EVI5: variants seen among roughly 807,000 people sequenced by gnomAD.
The protein encoded by EVI5 is ecotropic viral integration site 5.
In EVI5, 73 loss-of-function variants were observed where a neutral mutation model predicts 112.0. The ratio of observed to expected loss-of-function variants is 0.65; its 90% confidence interval spans 0.54 to 0.79. EVI5 has a LOEUF of 0.79. EVI5 is among the 30% of genes least tolerant of loss of function. EVI5 has a pLI of 0.00. For missense variants in EVI5, 900 were observed against 968.8 expected (o/e 0.93, Z 0.94); for synonymous variants, 305 against 319.9 (o/e 0.95, Z 0.50).
intron 19 of EVI5, among the ~76,000 whole-genome samples, chr1:92,515,737 G>A (rs1352209512): frequency 2.0e-5 from 3 of 152,086 alleles, no homozygotes; most frequent in Admixed American, 1.3e-4. Flanking sequence ...CAAAACTAAC[G>A]GTCCTGAGAA....
chr1:92,622,667 C>A (rs780015303), intron 16 of EVI5, among the ~76,000 whole-genome samples: 5 of 152,266 alleles, frequency 3.3e-5, no homozygotes, highest in Non-Finnish European at 7.4e-5. Flanking sequence ...ATTTATTTTT[C>A]ATTTATCAAT....
intron 18 of EVI5, among the ~76,000 whole-genome samples, chr1:92,596,936 G>A (rs557113935): frequency 2.3e-4 from 35 of 152,146 alleles, no homozygotes; most frequent in African/African-American, 7.7e-4. Flanking sequence ...TAAGGTCTAC[G>A]AGCTGTTTTT....
chr1:92,758,844 A>C (rs78694200), intron 1 of EVI5, among the ~76,000 whole-genome samples: 1 of 147,822 alleles, frequency 6.8e-6, no homozygotes, highest in South Asian at 2.1e-4. Context: ...CCTACACATC[A>C]AAAAAAAAAG....
chr1:92,696,413 A>G (rs1481943498), intron 6 of EVI5, among the ~76,000 whole-genome samples: 2 of 152,042 alleles, frequency 1.3e-5, no homozygotes, highest in Non-Finnish European at 2.9e-5. Flanking sequence ...CAGGAGTTCA[A>G]CACCAACCTG....
At chr1:92,575,932 T>C (rs1378852934) in intron 18 of EVI5, among the ~76,000 whole-genome samples, 2 of 152,212 alleles carry the variant, frequency 1.3e-5, no homozygotes, top group African/African-American at 4.8e-5. Context: ...CTGTAGATTG[T>C]ATATTATCTA....
chr1:92,723,903 G>A (rs558695939), intron 2 of EVI5, among the ~76,000 whole-genome samples: 9 of 152,220 alleles, frequency 5.9e-5, no homozygotes, highest in African/African-American at 1.7e-4. Flanking sequence ...TGTCTTACGC[G>A]GTTGAGATAA....
intron 14 of EVI5, among the ~76,000 whole-genome samples, chr1:92,633,583 GT>G (rs71136551): frequency 1.3e-5 from 2 of 151,994 alleles, no homozygotes; most frequent in Admixed American, 1.3e-4. Flanking sequence ...TGTGAGATGG[GT>G]TTCCTGAATA....
chr1:92,681,719 G>A (rs960443398), intron 9 of EVI5, among the ~76,000 whole-genome samples: 4 of 152,110 alleles, frequency 2.6e-5, no homozygotes, highest in Non-Finnish European at 4.4e-5. Flanking sequence ...CCAACAAAAC[G>A]TTTGACAATG....
At chr1:92,635,370 C>T (rs549278336) in intron 14 of EVI5, among the ~76,000 whole-genome samples, 9 of 152,172 alleles carry the variant, frequency 5.9e-5, no homozygotes, top group East Asian at 1.9e-4. Context: ...ACTCAAGCCT[C>T]GGCAATGGCA....
intron 1 of EVI5, among the ~76,000 whole-genome samples, chr1:92,746,993 G>A (rs1328126886): frequency 6.6e-6 from 1 of 151,980 alleles, no homozygotes; most frequent in East Asian, 1.9e-4. Flanking sequence ...CGGGGGAAAA[G>A]CTATAGAATA....
Position 92,751,586 on chromosome 1 carries a change from T to C in EVI5, c.-81-14959A>G, listed in dbSNP as rs140350143. Among the ~76,000 whole-genome samples, 3 of 152,268 alleles carry C rather than the reference T, an allele frequency of 2.0e-5. No individual in the cohort carries two copies. The East Asian group carries it at 5.8e-4, about 29-fold the overall frequency. ...TCCCTTTGCTCAAAACACTCTTATT[T>C]TGGTGGAGTACCTCCTCTACTACCT... is the stretch of plus-strand genomic sequence containing the variant. On this transcript the variant is annotated intron_variant, in intron 1 of 19. Coordinates refer to ENST00000684568, the MANE Select transcript of EVI5 (RefSeq NM_001350197.2).
intron 19 of EVI5, among the ~76,000 whole-genome samples, chr1:92,525,029 T>C (rs1349235922): frequency 2.0e-5 from 3 of 152,036 alleles, no homozygotes. Context: ...GGTTTCACCA[T>C]GTAGGCCAGG....
intron 19 of EVI5, among the ~76,000 whole-genome samples, chr1:92,545,160 C>T (rs1402856616): frequency 6.6e-6 from 1 of 152,156 alleles, no homozygotes; most frequent in Non-Finnish European, 1.5e-5. Context: ...CTTTAATTGA[C>T]ACTTAGTAAA....
rs140109811 is a variant in EVI5, at chr1:92,555,059, C to T, written c.2166+8583G>A. Among the ~76,000 whole-genome samples the T allele has an allele frequency of 1.1e-4, 17 of 152,228 alleles. No homozygotes were observed. The East Asian group carries it at 1.7e-3, about 16-fold the overall frequency. On this transcript the variant is annotated intron_variant, in intron 19 of 19. Transcript: ENST00000684568. The stretch of plus-strand genomic sequence containing the variant: ...CTGTAAGATTAAAAAGCAGTGTATG[C>T]ATTTGATGGGCTTAAAGCAATTTTC...
chr1:92,627,074 CTT>C (rs889485614), intron 14 of EVI5, among the ~76,000 whole-genome samples: 1 of 152,092 alleles, frequency 6.6e-6, no homozygotes, highest in Non-Finnish European at 1.5e-5. Context: ...TGAGTAAGTT[CTT>C]TAGTGGTGAT....
At chr1:92,547,440 T>C (rs2100702469) in intron 19 of EVI5, among the ~76,000 whole-genome samples, 1 of 152,140 alleles carries the variant, frequency 6.6e-6, no homozygotes, top group African/African-American at 2.4e-5. Context: ...TTAAAAGAAC[T>C]AGAGAAGCAA....
In EVI5 at chr1:92,670,766, G is replaced by A. The variant is rs911203198; in HGVS notation, c.1159-4774C>T. Among the ~76,000 whole-genome samples the A allele has an allele frequency of 2.0e-5, 3 of 151,988 alleles. 1 individual carries two copies. ...TCTCTCAGTTGATAATCTGGCATAT[G>A]ATTTCACTGAAAAAAACTGAGGCAA... is the stretch of plus-strand genomic sequence containing the variant. On this transcript the variant is annotated intron_variant, in intron 10 of 19. Coordinates refer to ENST00000684568, the MANE Select transcript of EVI5 (RefSeq NM_001350197.2).
intron 19 of EVI5, among the ~76,000 whole-genome samples, chr1:92,555,341 TAAAA>T (rs940116968): frequency 6.6e-6 from 1 of 152,202 alleles, no homozygotes; most frequent in African/African-American, 2.4e-5. Context: ...TCTTAAACAT[TAAAA>T]TTTTCTTAAA....
intron 9 of EVI5, among the ~76,000 whole-genome samples, chr1:92,681,752 T>C (rs1388896006): frequency 6.6e-6 from 1 of 152,222 alleles, no homozygotes; most frequent in African/African-American, 2.4e-5. Flanking sequence ...TAGATCTGTA[T>C]TGTCCAATAG....
Sources: gnomAD v4.1 joint callset for allele counts (sites outside exome capture counted in the v4.1 genomes callset) on GRCh38, gnomAD v4.1.1 for gene constraint, MANE v1.5 for transcripts, NCBI Gene and HGNC (gene_info 2026-07-23, HGNC 2026-07-21) for gene names.